EPHA6: variants seen among roughly 807,000 people sequenced by gnomAD.
EPHA6 encodes EPH receptor A6.
EPHA6 carries 50 observed loss-of-function variants against 112.0 expected under a neutral mutation model. The ratio of observed to expected loss-of-function variants is 0.45; its 90% CI spans 0.36 to 0.56. The LOEUF is 0.56. EPHA6 is among the 20% of genes least tolerant of loss of function. EPHA6 has a pLI of 0.00. For synonymous variants in EPHA6, 529 were observed against 490.7 expected, an observed-to-expected ratio of 1.08 and a Z score of -1.03; for missense variants, 1,280 against 1,417.4, an observed-to-expected ratio of 0.90 and a Z score of 1.56.
chr3:97,071,881 T>C (rs1559709022), intron 3 of EPHA6, among the ~76,000 whole-genome samples: 1 of 151,986 alleles, frequency 6.6e-6, no homozygotes, highest in Non-Finnish European at 1.5e-5. Context: ...TCCCGCATTT[T>C]CCCCCGAGTC....
At chr3:96,843,007 T>A (rs961859771) in intron 1 of EPHA6, among the ~76,000 whole-genome samples, 21 of 152,172 alleles carry the variant, frequency 1.4e-4, no homozygotes, top group Middle Eastern at 3.4e-3. Context: ...AACCATAATT[T>A]AAAAAAACAG....
intron 5 of EPHA6, among the ~76,000 whole-genome samples, chr3:97,394,215 C>T (rs556444733): frequency 1.3e-5 from 2 of 151,838 alleles, no homozygotes; most frequent in African/African-American, 4.8e-5. Flanking sequence ...ACAAAATATC[C>T]ACATGCAGAA....
At chr3:97,576,794 A>G (rs1356763702) in intron 11 of EPHA6, among the ~76,000 whole-genome samples, 3 of 151,912 alleles carry the variant, frequency 2.0e-5, no homozygotes, top group African/African-American at 7.2e-5. Context: ...TTTCTATTAC[A>G]TAATGGTAGA....
intron 2 of EPHA6, among the ~76,000 whole-genome samples, chr3:96,926,184 G>A (rs184189421): frequency 1.4e-4 from 21 of 152,106 alleles, no homozygotes; most frequent in African/African-American, 4.8e-4. Context: ...GGCAGCAGGC[G>A]AGAGAGTGAT....
chr3:97,501,654 A>C (rs2092120152), intron 10 of EPHA6, among the ~76,000 whole-genome samples: 1 of 152,072 alleles, frequency 6.6e-6, no homozygotes, highest in Non-Finnish European at 1.5e-5. Flanking sequence ...AAAAAACTAC[A>C]TCTTAAAACT....
intron 6 of EPHA6, among the ~76,000 whole-genome samples, chr3:97,417,420 A>G (rs1451117957): frequency 1.3e-5 from 2 of 151,956 alleles, no homozygotes; most frequent in African/African-American, 2.4e-5. Context: ...TCTTTTTTTA[A>G]TGGAAAAAAA....
chr3:97,625,373 TCTTA>T (rs1223504625), intron 13 of EPHA6, among the ~76,000 whole-genome samples: 1 of 151,832 alleles, frequency 6.6e-6, no homozygotes, highest in Admixed American at 6.6e-5. Flanking sequence ...GTTATTTACT[TCTTA>T]CTTTATCTGT....
At chr3:97,674,480 C>A (rs1036813845) in intron 14 of EPHA6, among the ~76,000 whole-genome samples, 3 of 152,050 alleles carry the variant, frequency 2.0e-5, no homozygotes, top group African/African-American at 7.2e-5. Context: ...ATTAATTATA[C>A]CTATAGTCTG....
intron 5 of EPHA6, among the ~76,000 whole-genome samples, chr3:97,393,609 C>T (rs915246113): frequency 1.3e-5 from 2 of 151,816 alleles, no homozygotes; most frequent in Admixed American, 6.6e-5. Context: ...TCTGTGCAAA[C>T]GTTTTCACAA....
rs185486194 is a variant in EPHA6, at chr3:97,421,566, G to A, written c.1731+16292G>A. 4.0e-3 allele frequency among the ~76,000 whole-genome samples: 606 copies of A among 152,256 alleles called. 5 individuals carry two copies. The highest frequency in any genetic ancestry group is 0.014 in the African/African-American group (567 of 41,554). On this transcript the variant is annotated intron_variant, in intron 6 of 17. Coordinates refer to ENST00000389672, the MANE Select transcript of EPHA6 (RefSeq NM_001080448.3). ...AAAGATCAATTTTACCCCAAATGATGTGCAGCTTTAATGTCTAATAAAAAT... is the reference window on the plus strand; with the variant it reads ...AAAGATCAATTTTACCCCAAATGATATGCAGCTTTAATGTCTAATAAAAAT...
intron 11 of EPHA6, among the ~76,000 whole-genome samples, chr3:97,587,823 A>G (rs930837149): frequency 2.6e-5 from 4 of 152,186 alleles, no homozygotes; most frequent in East Asian, 1.9e-4. Flanking sequence ...GGACACCACT[A>G]TGTAAGAAAC....
chr3:97,542,838 A>G (rs566414120), intron 11 of EPHA6, among the ~76,000 whole-genome samples: 2 of 152,144 alleles, frequency 1.3e-5, no homozygotes, highest in African/African-American at 4.8e-5. Flanking sequence ...CATTTCTCTG[A>G]TGGCCAGTGA....
rs2081180733 is a variant in EPHA6 at position 97,303,456 on chromosome 3, A to G, written c.1606+59169A>G. 2.0e-5 allele frequency among the ~76,000 whole-genome samples: 3 copies of G among 151,972 alleles called. No homozygotes were observed. The South Asian group carries it at 6.2e-4, about 32-fold the overall frequency. ...GAGCAAGACCGAGCAAGAGAGAGAG[A>G]GAGAGAATTTATGAATTAATTAGGG... On this transcript the variant is annotated intron_variant, in intron 5 of 17. Transcript: ENST00000389672.
chr3:97,484,094 TC>T (rs1249884344), intron 10 of EPHA6, 35 bp downstream of exon 10: 10 of 1,564,724 alleles, frequency 6.4e-6, no homozygotes, highest in African/African-American at 1.4e-5. Context: ...AACAAAACAT[TC>T]CTTAATTTCT....
intron 14 of EPHA6, among the ~76,000 whole-genome samples, chr3:97,647,508 A>C (rs1215945782): frequency 2.0e-5 from 3 of 152,136 alleles, no homozygotes; most frequent in Non-Finnish European, 4.4e-5. Context: ...AATGCACAAA[A>C]ATAGGATTTA....
intron 3 of EPHA6, among the ~76,000 whole-genome samples, chr3:97,203,994 G>GA (rs930026710): frequency 4.7e-5 from 7 of 149,276 alleles, no homozygotes; most frequent in South Asian, 2.1e-4. Flanking sequence ...AATAATAAAT[G>GA]AAAAAAAAAG....
At chr3:97,556,265 T>A (rs936175796) in intron 11 of EPHA6, among the ~76,000 whole-genome samples, 1 of 152,202 alleles carries the variant, frequency 6.6e-6, no homozygotes, top group East Asian at 1.9e-4. Flanking sequence ...TTTCTAAAGA[T>A]CTGTGAATAT....
intron 3 of EPHA6, among the ~76,000 whole-genome samples, chr3:97,081,046 T>C (rs1283058799): frequency 6.6e-6 from 1 of 151,934 alleles, no homozygotes; most frequent in Non-Finnish European, 1.5e-5. Context: ...TGCTATAGTT[T>C]TGTTTAGTTT....
chr3:96,972,793 C>G (rs576150111), intron 2 of EPHA6, among the ~76,000 whole-genome samples: 57 of 152,126 alleles, frequency 3.7e-4, no homozygotes, highest in African/African-American at 1.3e-3. Context: ...TCCAATAGTC[C>G]GTTCTGTGCT....
Sources: allele counts gnomAD v4.1 joint callset (sites outside exome capture counted in the v4.1 genomes callset), GRCh38; gene constraint gnomAD v4.1.1; transcripts MANE v1.5; gene names NCBI Gene and HGNC (gene_info 2026-07-23, HGNC 2026-07-21).